CDK5R1: variants seen among roughly 807,000 people sequenced by gnomAD.
CDK5R1 encodes the protein cyclin dependent kinase 5 regulatory subunit 1.
Under a neutral mutation model 19.0 loss-of-function variants are expected in CDK5R1, and 1 was observed. The ratio of observed to expected loss-of-function variants is 0.05; its 90% CI spans 0.02 to 0.25. CDK5R1 has a LOEUF of 0.25. Among genes scored for constraint, CDK5R1 ranks in the 10% least tolerant of loss-of-function variants. The pLI is 1.00. For synonymous variants in CDK5R1, 225 were observed against 187.7 expected (o/e 1.20, Z -1.62); for missense variants, 314 against 401.0 (o/e 0.78, Z 1.85).
chr17:32,488,719 A>C lies in CDK5R1; in HGVS notation c.*175A>C. 2 of 1,238,330 alleles carry C rather than the reference A, an allele frequency of 1.6e-6. No homozygotes were observed. The highest frequency in any genetic ancestry group is 2.3e-6 in the Non-Finnish European group (2 of 881,362). The allele number at this position is 1,238,330 out of a possible 1,614,324, so 76.7% of individuals were successfully genotyped here. The stretch of plus-strand genomic sequence containing the variant: ...AAGAACTCTGGGCACTTTTGAACTC[A>C]CGAGCCTTGCGCAAAACCCAGAAGA... On this transcript the variant is annotated 3_prime_UTR_variant, in exon 2 of 2. Coordinates refer to ENST00000313401, the MANE Select transcript of CDK5R1 (RefSeq NM_003885.3).
rs1314807881 is a variant in CDK5R1 at position 32,487,407 on chromosome 17, G to C, written c.-145-69G>C. 2 of 357,510 alleles carry C rather than the reference G, an allele frequency of 5.6e-6. No individual in the cohort carries two copies. Among genetic ancestry groups the C allele is most frequent in the Non-Finnish European group, 1.0e-5 (2 of 200,378 alleles). The allele number at this position is 357,510 out of a possible 1,614,324, so 22.1% of individuals were successfully genotyped here. ...GCGGGGTGCGCCGAGGCGCGGGGCG[G>C]AGGGGCGCAGGGGCGCAGGGGCGCG... On this transcript the variant is annotated intron_variant, in intron 1 of 1. Transcript: ENST00000313401. This position sits in a 1 kb window ranked among gnomAD's most constrained non-coding sequence, Gnocchi z 7.9.
rs780702599 is a variant in CDK5R1 at position 32,488,349 on chromosome 17, C to T, written c.729C>T (p.Tyr243=). 4 of 1,614,172 alleles carry T rather than the reference C, an allele frequency of 2.5e-6. No homozygotes were observed. In the African/African-American group the frequency reaches 5.3e-5, roughly 22 times the overall value. The change falls in exon 2 of 2, where the codon TAC becomes TAT. Residue 243 remains tyrosine, a synonymous_variant. Coordinates refer to ENST00000313401, the MANE Select transcript of CDK5R1 (RefSeq NM_003885.3). ...SYSYMGNEIS[Y]PLKPFLVESC... is the part of the protein sequence containing the mutation. Reference sequence around the variant, plus strand: ...CCTACATGGGCAACGAGATCTCCTACCCGCTCAAGCCCTTCCTGGTGGAGA... The same window carrying T: ...CCTACATGGGCAACGAGATCTCCTATCCGCTCAAGCCCTTCCTGGTGGAGA...
chr17:32,487,809 G>C lies in CDK5R1; in HGVS notation c.189G>C (p.Lys63Asn). 2 of 1,614,092 alleles carry C rather than the reference G, an allele frequency of 1.2e-6. No homozygotes were observed. The highest frequency in any genetic ancestry group is 1.7e-6 in the Non-Finnish European group (2 of 1,180,006). ...TCGTGGCCGTGTCGGCCAAGAAGAA[G>C]AACTCCAAGAAGGTGCAGCCCAACA... ...KRIVAVSAKKKNSKKVQPNSS... is the reference protein window; with the variant it reads ...KRIVAVSAKKNNSKKVQPNSS... The change falls in exon 2 of 2, where the codon AAG becomes AAC. Residue 63 changes from lysine (K) to asparagine (N), a missense_variant. Lys to Asn is a moderately conservative substitution (Grantham distance 94). Transcript: ENST00000313401. This position sits in a 1 kb window ranked among gnomAD's most constrained non-coding sequence, Gnocchi z 7.9.
In CDK5R1 at chr17:32,491,016, G is replaced by A. The variant is rs1248536170; in HGVS notation, c.*2472G>A. 2 of 167,066 alleles carry A rather than the reference G, an allele frequency of 1.2e-5. No individual in the cohort carries two copies. Among genetic ancestry groups the A allele is most frequent in the African/African-American group, 4.8e-5 (2 of 41,448 alleles). 10.3% of individuals were successfully genotyped at this position (167,066 alleles called of 1,614,324 possible). ...AAACTGCTAATTACACACGTGTGATGTATGTTGGTTTTTTAGTGCAATTTC... is the reference window on the plus strand; with the variant it reads ...AAACTGCTAATTACACACGTGTGATATATGTTGGTTTTTTAGTGCAATTTC... On this transcript the variant is annotated 3_prime_UTR_variant, in exon 2 of 2. Coordinates refer to ENST00000313401, the MANE Select transcript of CDK5R1 (RefSeq NM_003885.3).
chr17:32,489,295 C>A lies in CDK5R1; in HGVS notation c.*751C>A, dbSNP rs1175706474. ...TCCCAGCTAAAGAGGTGGGGTGAAG[C>A]TGGGGACAGCTTTCCTGGGTGAGTT... On this transcript the variant is annotated 3_prime_UTR_variant, in exon 2 of 2. Coordinates refer to ENST00000313401, the MANE Select transcript of CDK5R1 (RefSeq NM_003885.3). The A allele has an allele frequency of 2.1e-6, 1 of 471,004 alleles. No individual in the cohort carries two copies. The highest frequency in any genetic ancestry group is 4.4e-6 in the Non-Finnish European group (1 of 227,026). 29.2% of individuals were successfully genotyped at this position (471,004 alleles called of 1,614,324 possible).
Position 32,487,258 on chromosome 17 carries a change from C to T in CDK5R1, c.-146+96C>T, listed in dbSNP as rs935933764. ...CCAGGCGGGGGTCCTCGGCCGCCTC[C>T]GTCGGCGACCGGGCCCCTCCCGGCT... On this transcript the variant is annotated intron_variant, in intron 1 of 1. Coordinates refer to ENST00000313401, the MANE Select transcript of CDK5R1 (RefSeq NM_003885.3). The surrounding 1 kb of genome is among the most constrained non-coding windows in gnomAD (Gnocchi z 7.9). The T allele has an allele frequency of 6.8e-6, 1 of 147,140 alleles. No homozygotes were observed. The highest frequency in any genetic ancestry group is 1.5e-5 in the Non-Finnish European group (1 of 65,942). 9.1% of individuals were successfully genotyped at this position (147,140 alleles called of 1,614,324 possible).
At position 32,487,018 on chromosome 17, in the gene CDK5R1, C is replaced by CCGCCGCCGCCGT. The variant is rs961765056; in HGVS notation, c.-278_-267dup. 16 of 155,236 alleles carry CCGCCGCCGCCGT rather than the reference C, an allele frequency of 1.0e-4. No individual in the cohort carries two copies. Among genetic ancestry groups the CCGCCGCCGCCGT allele is most frequent in the Admixed American group, 4.1e-4 (6 of 14,814 alleles). 9.6% of individuals were successfully genotyped at this position (155,236 alleles called of 1,614,324 possible). A position where few individuals can be genotyped will look rare whatever the true frequency, so the allele number is the denominator to read the frequency against. ...AGAAGCTCCCTAGCTGCCGCCGCCGCCGCCGCCGCCGTCGCCGCCGCCGAG... is the reference window on the plus strand; with the variant it reads ...AGAAGCTCCCTAGCTGCCGCCGCCGCCGCCGCCGCCGTCGCCGCCGCCGTCGCCGCCGCCGAG... On this transcript the variant is annotated 5_prime_UTR_variant, in exon 1 of 2. Transcript: ENST00000313401. The surrounding 1 kb of genome is among the most constrained non-coding windows in gnomAD (Gnocchi z 7.9).
chr17:32,488,010 C>T lies in CDK5R1; in HGVS notation c.390C>T (p.His130=), dbSNP rs1908739058. The T allele has an allele frequency of 1.9e-6, 3 of 1,613,022 alleles. No individual in the cohort carries two copies. Among genetic ancestry groups the T allele is most frequent in the Admixed American group, 1.7e-5 (1 of 59,988 alleles). Residue 130 remains histidine, a synonymous_variant, in exon 2 of 2, where the codon CAC becomes CAT. Coordinates refer to ENST00000313401, the MANE Select transcript of CDK5R1 (RefSeq NM_003885.3). ...GGSSSVKKAP[H]PAVTSAGTPK... is the part of the protein sequence containing the mutation. ...CCTCCTCAGTCAAGAAAGCCCCTCA[C>T]CCTGCCGTCACCTCCGCAGGGACGC...
In CDK5R1 at chr17:32,489,191, C is replaced by G. The variant is rs1908785237; in HGVS notation, c.*647C>G. 2.1e-6 allele frequency: 1 copy of G among 471,136 alleles called. No homozygotes were observed. The highest frequency in any genetic ancestry group is 4.4e-6 in the Non-Finnish European group (1 of 227,036). 29.2% of individuals were successfully genotyped at this position (471,136 alleles called of 1,614,324 possible). A position where few individuals can be genotyped will look rare whatever the true frequency, so the allele number is the denominator to read the frequency against. ...GAGAAATGGAACTCGCCCCCCTACC[C>G]CCTTGTCTGCTGCTCCCAGCCACGT... On this transcript the variant is annotated 3_prime_UTR_variant, in exon 2 of 2. Coordinates refer to ENST00000313401, the MANE Select transcript of CDK5R1 (RefSeq NM_003885.3).
At position 32,487,482 on chromosome 17, in the gene CDK5R1, C is replaced by G. The variant is rs1597849946; in HGVS notation, c.-139C>G. 2 of 617,884 alleles carry G rather than the reference C, an allele frequency of 3.2e-6. No homozygotes were observed. Among genetic ancestry groups the G allele is most frequent in the Non-Finnish European group, 5.5e-6 (2 of 362,496 alleles). The allele number at this position is 617,884 out of a possible 1,614,324, so 38.3% of individuals were successfully genotyped here. On this transcript the variant is annotated 5_prime_UTR_variant, in exon 2 of 2. It adds an upstream start codon to the 5' untranslated region. Transcript: ENST00000313401. The surrounding 1 kb of genome is among the most constrained non-coding windows in gnomAD (Gnocchi z 7.9). ...GAACCATCTTGTTTTCCAGGCAGAT[C>G]CAAGGGGGCAGCACGCTTCCCGGGA... is the stretch of plus-strand genomic sequence containing the variant.
rs1002556737 is a variant in CDK5R1, at chr17:32,488,912, G to C, written c.*368G>C. 4 of 378,844 alleles carry C rather than the reference G, an allele frequency of 1.1e-5. No individual in the cohort carries two copies. Among genetic ancestry groups the C allele is most frequent in the South Asian group, 8.7e-5 (4 of 45,892 alleles). The allele number at this position is 378,844 out of a possible 1,614,324, so 23.5% of individuals were successfully genotyped here. A position where few individuals can be genotyped will look rare whatever the true frequency, so the allele number is the denominator to read the frequency against. On this transcript the variant is annotated 3_prime_UTR_variant, in exon 2 of 2. Transcript: ENST00000313401. Reference sequence around the variant, plus strand: ...TGGCTGCCTGGCCCAGGGAGGAATTGGGGTTTCTGGTTGGAGGCCCTTTTC... The same window carrying C: ...TGGCTGCCTGGCCCAGGGAGGAATTCGGGTTTCTGGTTGGAGGCCCTTTTC...
Position 32,487,535 on chromosome 17 carries a change from C to T in CDK5R1, c.-86C>T. 2.1e-5 allele frequency: 23 copies of T among 1,112,338 alleles called. No homozygotes were observed. The highest frequency in any genetic ancestry group is 2.9e-5 in the Non-Finnish European group (23 of 790,634). 68.9% of individuals were successfully genotyped at this position (1,112,338 alleles called of 1,614,324 possible). A position where few individuals can be genotyped will look rare whatever the true frequency, so the allele number is the denominator to read the frequency against. On this transcript the variant is annotated 5_prime_UTR_variant, in exon 2 of 2. Coordinates refer to ENST00000313401, the MANE Select transcript of CDK5R1 (RefSeq NM_003885.3). The surrounding 1 kb of genome is among the most constrained non-coding windows in gnomAD (Gnocchi z 7.9). ...GCCCCCGCCTCCTCTCCGGGGCCGC[C>T]GCAGGCTCGGTGAGCGGTTTTATCC...
In CDK5R1 at chr17:32,487,171, G is replaced by A. The variant is rs1490571510; in HGVS notation, c.-146+9G>A. The A allele has an allele frequency of 6.8e-6, 1 of 147,028 alleles. No individual in the cohort carries two copies. Among genetic ancestry groups the A allele is most frequent in the African/African-American group, 2.4e-5 (1 of 40,882 alleles). 9.1% of individuals were successfully genotyped at this position (147,028 alleles called of 1,614,324 possible). ...GAGCTGCCGCCTGCCGGGTAAGCCT[G>A]CGCTGGGCGGCCGTCCTTGGCCCTG... is the stretch of plus-strand genomic sequence containing the variant. On this transcript the variant is annotated intron_variant, in intron 1 of 1. Coordinates refer to ENST00000313401, the MANE Select transcript of CDK5R1 (RefSeq NM_003885.3). The surrounding 1 kb of genome is among the most constrained non-coding windows in gnomAD (Gnocchi z 7.9).
At position 32,490,993 on chromosome 17, in the gene CDK5R1, ACTG is replaced by A. The variant is rs1288806793; in HGVS notation, c.*2452_*2454del. 12 of 167,032 alleles carry A rather than the reference ACTG, an allele frequency of 7.2e-5. No homozygotes were observed. The highest frequency in any genetic ancestry group is 4.4e-5 in the Non-Finnish European group (3 of 68,110). The allele number at this position is 167,032 out of a possible 1,614,324, so 10.3% of individuals were successfully genotyped here. A position where few individuals can be genotyped will look rare whatever the true frequency, so the allele number is the denominator to read the frequency against. ...AATTATTCATAGCTGTATATTTGAA[ACTG>A]CTAATTACACACGTGTGATGTATGT... On this transcript the variant is annotated 3_prime_UTR_variant, in exon 2 of 2. Coordinates refer to ENST00000313401, the MANE Select transcript of CDK5R1 (RefSeq NM_003885.3).
chr17:32,487,989 C>T lies in CDK5R1; in HGVS notation c.369C>T (p.Ser123=). 1 of 1,613,194 alleles carries T rather than the reference C, an allele frequency of 6.2e-7. No individual in the cohort carries two copies. Among genetic ancestry groups the T allele is most frequent in the South Asian group, 1.1e-5 (1 of 91,052 alleles). Residue 123 remains serine, a synonymous_variant, in exon 2 of 2, where the codon TCC becomes TCT. Transcript: ENST00000313401. The surrounding 1 kb of genome is among the most constrained non-coding windows in gnomAD (Gnocchi z 7.9). ...QLSGSQTGGS[S]SVKKAPHPAV... Reference sequence around the variant, plus strand: ...CGGGTTCCCAGACCGGGGGCTCCTCCTCAGTCAAGAAAGCCCCTCACCCTG... The same window carrying T: ...CGGGTTCCCAGACCGGGGGCTCCTCTTCAGTCAAGAAAGCCCCTCACCCTG...
rs1908689832 is a variant in CDK5R1 at position 32,487,035 on chromosome 17, GCCGCCGA to G, written c.-272_-266del. On this transcript the variant is annotated 5_prime_UTR_variant, in exon 1 of 2. Coordinates refer to ENST00000313401, the MANE Select transcript of CDK5R1 (RefSeq NM_003885.3). This position sits in a 1 kb window ranked among gnomAD's most constrained non-coding sequence, Gnocchi z 7.9. ...CGCCGCCGCCGCCGCCGCCGTCGCCGCCGCCGAGCGCGAGCCCAGCCGATCCCCGCCG... is the reference window on the plus strand; with the variant it reads ...CGCCGCCGCCGCCGCCGCCGTCGCCGGCGCGAGCCCAGCCGATCCCCGCCG... The G allele has an allele frequency of 6.4e-6, 1 of 155,052 alleles. No homozygotes were observed. Among genetic ancestry groups the G allele is most frequent in the African/African-American group, 2.4e-5 (1 of 40,830 alleles). The allele number at this position is 155,052 out of a possible 1,614,324, so 9.6% of individuals were successfully genotyped here. A position where few individuals can be genotyped will look rare whatever the true frequency, so the allele number is the denominator to read the frequency against.
In CDK5R1 at chr17:32,487,004, A is replaced by AGCTGCC. The variant is rs1034026326; in HGVS notation, c.-301_-296dup. On this transcript the variant is annotated 5_prime_UTR_variant, in exon 1 of 2. Coordinates refer to ENST00000313401, the MANE Select transcript of CDK5R1 (RefSeq NM_003885.3). This position sits in a 1 kb window ranked among gnomAD's most constrained non-coding sequence, Gnocchi z 7.9. Reference sequence around the variant, plus strand: ...GCAGAACCTTGGACAGAAGCTCCCTAGCTGCCGCCGCCGCCGCCGCCGCCG... The same window carrying AGCTGCC: ...GCAGAACCTTGGACAGAAGCTCCCTAGCTGCCGCTGCCGCCGCCGCCGCCGCCGCCG... The AGCTGCC allele has an allele frequency of 2.6e-5, 4 of 152,016 alleles. No individual in the cohort carries two copies. Among genetic ancestry groups the AGCTGCC allele is most frequent in the African/African-American group, 1.0e-4 (4 of 38,794 alleles). The allele number at this position is 152,016 out of a possible 1,614,324, so 9.4% of individuals were successfully genotyped here. A position where few individuals can be genotyped will look rare whatever the true frequency, so the allele number is the denominator to read the frequency against.
At position 32,488,957 on chromosome 17, in the gene CDK5R1, T is replaced by C. The variant is rs1346308583; in HGVS notation, c.*413T>C. On this transcript the variant is annotated 3_prime_UTR_variant, in exon 2 of 2. Transcript: ENST00000313401. Reference sequence around the variant, plus strand: ...CTTTTCTGGCTCCTGTGTGGAGTTATTCACTCTCCCAGAGGCTCCTGGAGC... The same window carrying C: ...CTTTTCTGGCTCCTGTGTGGAGTTACTCACTCTCCCAGAGGCTCCTGGAGC... 5 of 371,624 alleles carry C rather than the reference T, an allele frequency of 1.3e-5. No individual in the cohort carries two copies. The highest frequency in any genetic ancestry group is 7.4e-5 in the East Asian group (1 of 13,548). 23.0% of individuals were successfully genotyped at this position (371,624 alleles called of 1,614,324 possible).
Position 32,487,052 on chromosome 17 carries a change from C to G in CDK5R1, c.-256C>G, listed in dbSNP as rs1908690927. On this transcript the variant is annotated 5_prime_UTR_variant, in exon 1 of 2. Coordinates refer to ENST00000313401, the MANE Select transcript of CDK5R1 (RefSeq NM_003885.3). This position sits in a 1 kb window ranked among gnomAD's most constrained non-coding sequence, Gnocchi z 7.9. The stretch of plus-strand genomic sequence containing the variant: ...CCGTCGCCGCCGCCGAGCGCGAGCC[C>G]AGCCGATCCCCGCCGAGCGCCCCCG... The G allele has an allele frequency of 6.6e-6, 1 of 151,622 alleles. No homozygotes were observed. The highest frequency in any genetic ancestry group is 1.4e-5 in the Non-Finnish European group (1 of 70,020). 9.4% of individuals were successfully genotyped at this position (151,622 alleles called of 1,614,324 possible).
Sources: allele counts gnomAD v4.1 joint callset, GRCh38; gene constraint gnomAD v4.1.1; non-coding constraint Gnocchi (gnomAD v3.1); transcripts MANE v1.5; gene names NCBI Gene and HGNC (gene_info 2026-07-23, HGNC 2026-07-21).